DPP10: variants seen among roughly 807,000 people sequenced by gnomAD.
DPP10 encodes the protein inactive dipeptidyl peptidase 10.
In DPP10, 33 loss-of-function variants were observed where a neutral mutation model predicts 120.9. That is an observed-to-expected ratio of 0.27 (90% CI 0.21 to 0.37). The LOEUF is 0.37. DPP10 is among the 10% of genes least tolerant of loss of function. The pLI is 1.00. For synonymous variants in DPP10, 337 were observed against 326.1 expected, an observed-to-expected ratio of 1.03 and a Z score of -0.36; for missense variants, 816 against 942.8, an observed-to-expected ratio of 0.87 and a Z score of 1.76.
intron 1 of DPP10, among the ~76,000 whole-genome samples, chr2:115,289,506 G>GAAA (rs70941043): frequency 8.7e-6 from 1 of 114,398 alleles, no homozygotes; most frequent in Non-Finnish European, 1.8e-5. Flanking sequence ...AAAAAAAAAG[G>GAAA]AAGAAAAGAA....
At chr2:115,009,177 C>G (rs1162200015) in intron 1 of DPP10, among the ~76,000 whole-genome samples, 10 of 145,294 alleles carry the variant, frequency 6.9e-5, no homozygotes, top group African/African-American at 2.3e-4. Flanking sequence ...TTGGAACCAA[C>G]CCAAATGTCC....
At chr2:114,929,443 A>ACTCCCAGAGTGTCCATTTAGAGG (rs1308903698) in intron 1 of DPP10, among the ~76,000 whole-genome samples, 1 of 151,794 alleles carries the variant, frequency 6.6e-6, no homozygotes, top group African/African-American at 2.4e-5. Flanking sequence ...TAAGACAGAC[A>ACTCCCAGAGTGTCCATTTAGAGG]CTCCCAGAGT....
intron 4 of DPP10, among the ~76,000 whole-genome samples, chr2:115,509,665 CAAAAA>C: frequency 6.6e-6 from 1 of 151,950 alleles, no homozygotes; most frequent in Non-Finnish European, 1.5e-5. Context: ...GACTCTGTCT[CAAAAA>C]CAAAATAAAA....
chr2:115,237,942 C>T (rs147053772), intron 1 of DPP10, among the ~76,000 whole-genome samples: 13 of 152,314 alleles, frequency 8.5e-5, no homozygotes, highest in African/African-American at 2.9e-4. Flanking sequence ...GCAGCAAGTG[C>T]TGTTATAGAA....
At chr2:115,021,866 C>A (rs1053033542) in intron 1 of DPP10, among the ~76,000 whole-genome samples, 5 of 152,058 alleles carry the variant, frequency 3.3e-5, no homozygotes, top group Non-Finnish European at 7.4e-5. Context: ...ATCTGCAAGT[C>A]AACAAATGTG....
rs573176387 is a variant in DPP10 at position 114,550,268 on chromosome 2, C to G, written c.60+107430C>G. On this transcript the variant is annotated intron_variant, in intron 1 of 25. Transcript: ENST00000410059. ...GTGTGAGCATAGGACAAAGGGCCCT[C>G]TCCATGATTTAACTGGCTTTTAAGA... 4.7e-4 allele frequency among the ~76,000 whole-genome samples: 71 copies of G among 152,330 alleles called. No individual in the cohort carries two copies. In the South Asian group the frequency reaches 0.014, roughly 29 times the overall value.
intron 5 of DPP10, among the ~76,000 whole-genome samples, chr2:115,616,298 A>T (rs1034090154): frequency 6.6e-6 from 1 of 152,112 alleles, no homozygotes; most frequent in Non-Finnish European, 1.5e-5. Flanking sequence ...TTCAATTCTC[A>T]TAAAATCTGT....
intron 3 of DPP10, among the ~76,000 whole-genome samples, chr2:115,387,548 A>G (rs1208156775): frequency 1.3e-5 from 2 of 152,154 alleles, no homozygotes; most frequent in African/African-American, 4.8e-5. Flanking sequence ...TCTGTTTATA[A>G]TTGATATATT....
chr2:115,133,176 T>G (rs1161624354), intron 1 of DPP10, among the ~76,000 whole-genome samples: 2 of 119,086 alleles, frequency 1.7e-5, no homozygotes, highest in Admixed American at 8.8e-5. Flanking sequence ...TATATATATA[T>G]AGTTTTTTTT....
intron 5 of DPP10, among the ~76,000 whole-genome samples, chr2:115,603,254 G>A (rs1255494821): frequency 6.6e-6 from 1 of 151,808 alleles, no homozygotes; most frequent in African/African-American, 2.4e-5. Context: ...GACACAGCCT[G>A]TGGTCTCATA....
intron 1 of DPP10, among the ~76,000 whole-genome samples, chr2:114,736,035 A>G (rs78580655): frequency 0.039 from 5,865 of 152,118 alleles, 150 homozygotes; most frequent in South Asian, 0.097. Flanking sequence ...AGAAATAAAT[A>G]TACAAGTAGA....
chr2:114,951,016 C>T (rs1350585279), intron 1 of DPP10, among the ~76,000 whole-genome samples: 1 of 152,080 alleles, frequency 6.6e-6, no homozygotes, highest in African/African-American at 2.4e-5. Flanking sequence ...CACTATTGCA[C>T]TGGAATGTCA....
intron 1 of DPP10, among the ~76,000 whole-genome samples, chr2:114,586,903 T>C (rs1043020873): frequency 6.6e-6 from 1 of 152,230 alleles, no homozygotes; most frequent in African/African-American, 2.4e-5. Flanking sequence ...CCTTCCACCA[T>C]GAGCAGAAGG....
chr2:114,769,327 T>C (rs1483138602), intron 1 of DPP10, among the ~76,000 whole-genome samples: 4 of 152,080 alleles, frequency 2.6e-5, no homozygotes, highest in Admixed American at 6.6e-5. Flanking sequence ...GGAGTATTTG[T>C]ACCGGAAAAT....
At chr2:114,663,664 T>TAGAGAGAGAGAGAGAGAGAG (rs1374317856) in intron 1 of DPP10, among the ~76,000 whole-genome samples, 29 of 95,426 alleles carry the variant, frequency 3.0e-4, no homozygotes, top group African/African-American at 1.4e-3. Context: ...TATATATATA[T>TAGAGAGAGAGAGAGAGAGAG]ATATAGAGAG....
intron 5 of DPP10, among the ~76,000 whole-genome samples, chr2:115,591,097 T>G (rs2082630501): frequency 6.6e-6 from 1 of 152,214 alleles, no homozygotes; most frequent in Admixed American, 6.5e-5. Flanking sequence ...TTTCTCCCAT[T>G]CTGTAGGTTG....
rs961760822 is a variant in DPP10, at chr2:115,631,694, G to C, written c.442-57993G>C. On this transcript the variant is annotated intron_variant, in intron 5 of 25. Coordinates refer to ENST00000410059, the MANE Select transcript of DPP10 (RefSeq NM_020868.6). ...CCCAGGAGTCATTCAGGAGCAGGTT[G>C]TTCAATTTTCATGTAGTTGTGTGCT... Among the ~76,000 whole-genome samples, 3 of 152,132 alleles carry C rather than the reference G, an allele frequency of 2.0e-5. No homozygotes were observed. In the East Asian group the frequency reaches 5.8e-4, roughly 29 times the overall value.
intron 5 of DPP10, among the ~76,000 whole-genome samples, chr2:115,534,147 A>C (rs1214881408): frequency 6.6e-6 from 1 of 151,676 alleles, no homozygotes; most frequent in Admixed American, 6.6e-5. Flanking sequence ...TTTAGGGTAC[A>C]TGTGCACAAT....
intron 1 of DPP10, among the ~76,000 whole-genome samples, chr2:114,566,924 A>G (rs1181494148): frequency 1.3e-5 from 2 of 152,198 alleles, no homozygotes; most frequent in Non-Finnish European, 2.9e-5. Flanking sequence ...TGGCATCAGT[A>G]TCTTCATACT....
Sources: allele counts gnomAD v4.1 joint callset (sites outside exome capture counted in the v4.1 genomes callset), GRCh38; gene constraint gnomAD v4.1.1; transcripts MANE v1.5; gene names NCBI Gene and HGNC (gene_info 2026-07-23, HGNC 2026-07-21).